The following URI1 variants were observed in gnomAD, a reference collection of about 807,000 sequenced individuals.
URI1 encodes the protein URI1 prefoldin like chaperone, also known as unconventional prefoldin RPB5 interactor 1.
In URI1, 39 loss-of-function variants were observed where a neutral mutation model predicts 60.2. The ratio of observed to expected loss-of-function variants is 0.65; its 90% confidence interval spans 0.50 to 0.85. The LOEUF (loss-of-function observed/expected upper bound fraction) is 0.85. Among genes scored for constraint, URI1 ranks in the 40% least tolerant of loss-of-function variants. The pLI is 0.00. For missense variants in URI1, 691 were observed against 665.9 expected, an observed-to-expected ratio of 1.04 and a Z score of -0.42; for synonymous variants, 251 against 236.8, an observed-to-expected ratio of 1.06 and a Z score of -0.55.
intron 1 of URI1, among the ~76,000 whole-genome samples, chr19:29,957,250 A>G (rs1005639182): frequency 7.5e-6 from 1 of 132,754 alleles, no homozygotes; most frequent in African/African-American, 2.7e-5. Flanking sequence ...TGTCAATCAA[A>G]TGAAGGTCTG....
intron 7 of URI1, 103 bp from the exon 8 acceptor site, chr19:30,008,902 T>G (rs2055978378): frequency 1.1e-6 from 1 of 910,454 alleles, no homozygotes; most frequent in Admixed American, 3.3e-5. Context: ...TAAAAATACT[T>G]TATTCAAGAT....
intron 1 of URI1, among the ~76,000 whole-genome samples, chr19:29,925,262 G>A (rs2145185160): frequency 6.6e-6 from 1 of 152,356 alleles, no homozygotes; most frequent in African/African-American, 2.4e-5. Context: ...TGTAAGTCCT[G>A]TTTTTGTTTT....
chr19:30,013,179 T>G (rs908244122), intron 10 of URI1, among the ~76,000 whole-genome samples: 1 of 152,192 alleles, frequency 6.6e-6, no homozygotes, highest in African/African-American at 2.4e-5. Context: ...CATTCTTGTG[T>G]TTTGGTGCGT....
intron 4 of URI1, among the ~76,000 whole-genome samples, chr19:30,001,524 T>C (rs2055878327): frequency 1.3e-5 from 2 of 151,936 alleles, no homozygotes; most frequent in South Asian, 2.1e-4. Flanking sequence ...CACTCTAAGC[T>C]GTGAATCTTT....
At chr19:30,007,721 A>G (rs955347832) in intron 7 of URI1, 83 bp downstream of exon 7, 14 of 1,259,048 alleles carry the variant, frequency 1.1e-5, no homozygotes, top group Non-Finnish European at 1.4e-5. Context: ...TTAATAAAAT[A>G]ATATGTGTTC....
At chr19:29,955,101 C>T (rs1392972796) in intron 1 of URI1, among the ~76,000 whole-genome samples, 1 of 151,076 alleles carries the variant, frequency 6.6e-6, no homozygotes, top group Non-Finnish European at 1.5e-5. Flanking sequence ...TCATGCTATT[C>T]TCCTGCCTCA....
intron 1 of URI1, among the ~76,000 whole-genome samples, chr19:29,948,262 T>C (rs1006266900): frequency 6.6e-6 from 1 of 152,206 alleles, no homozygotes; most frequent in Non-Finnish European, 1.5e-5. Context: ...TGCTGTTTCT[T>C]TCTTTTTCTT....
intron 2 of URI1, among the ~76,000 whole-genome samples, chr19:29,974,002 T>C (rs1265730206): frequency 6.6e-6 from 1 of 152,216 alleles, no homozygotes; most frequent in East Asian, 1.9e-4. Context: ...TTTGGTCCAC[T>C]AGTGGCTGAT....
intron 4 of URI1, among the ~76,000 whole-genome samples, chr19:30,003,389 G>A (rs1298585164): frequency 6.6e-6 from 1 of 151,942 alleles, no homozygotes. Flanking sequence ...TGACGGTGTT[G>A]GTGCTTATCA....
At chr19:29,939,706 T>C (rs1288479629), upstream of URI1, among the ~76,000 whole-genome samples, 1 of 152,232 alleles carries the variant, frequency 6.6e-6, no homozygotes, top group African/African-American at 2.4e-5. Context: ...TTATTTGAAC[T>C]GAGGCCTGAG....
At chr19:30,001,915 T>G (rs2055883361) in intron 4 of URI1, among the ~76,000 whole-genome samples, 1 of 152,078 alleles carries the variant, frequency 6.6e-6, no homozygotes, top group African/African-American at 2.4e-5. Flanking sequence ...ATGTGCTATT[T>G]TAAAGCAGAA....
At chr19:29,955,364 A>G (rs1308696210) in intron 1 of URI1, among the ~76,000 whole-genome samples, 1 of 152,070 alleles carries the variant, frequency 6.6e-6, no homozygotes, top group Non-Finnish European at 1.5e-5. Flanking sequence ...TAGTCTCTTG[A>G]TAGTATAGAT....
chr19:29,933,119 C>T lies in URI1; in HGVS notation c.63+9365C>T, dbSNP rs533964124. Among the ~76,000 whole-genome samples the T allele has an allele frequency of 2.6e-5, 4 of 152,294 alleles. No individual in the cohort carries two copies. The South Asian group carries it at 8.3e-4, about 32-fold the overall frequency. ...GCAGTGGTCTGCAGTTTTCTTTTCT[C>T]TCAGTGTCTTTGTCTTGCTGGCCTC... On this transcript the variant is annotated intron_variant, in intron 1 of 10. Transcript: ENST00000360605.
In URI1 at chr19:30,015,449, A is replaced by G; in HGVS notation, c.*380A>G. On this transcript the variant is annotated 3_prime_UTR_variant, in exon 11 of 11. Transcript: ENST00000392271. ...ATACCATATGGACCATTTTAAAGAA[A>G]ATTTTAAAATTTCAAATAGATTCAA... 6.6e-7 allele frequency: 1 copy of G among 1,510,516 alleles called. No homozygotes were observed. Among genetic ancestry groups the G allele is most frequent in the Non-Finnish European group, 8.8e-7 (1 of 1,138,360 alleles). 93.6% of individuals were successfully genotyped at this position (1,510,516 alleles called of 1,614,324 possible).
intron 4 of URI1, 73 bp downstream of exon 4, chr19:29,986,490 G>T: frequency 6.5e-7 from 1 of 1,529,180 alleles, no homozygotes; most frequent in African/African-American, 1.4e-5. Flanking sequence ...CTGAAGGGCT[G>T]TTTCTTACCA....
intron 1 of URI1, chr19:29,956,832 T>G: frequency 1.9e-6 from 3 of 1,585,422 alleles, no homozygotes. Context: ...CGGAGCCTCT[T>G]TTTTTTCTTT....
intron 1 of URI1, among the ~76,000 whole-genome samples, chr19:29,962,837 GTTA>G (rs751114024): frequency 3.3e-4 from 50 of 152,012 alleles, no homozygotes; most frequent in Non-Finnish European, 6.2e-4. Context: ...TGTTGAAAAT[GTTA>G]TTTTTTCCTT....
At chr19:29,944,140 C>CAT (rs56329506) in intron 1 of URI1, among the ~76,000 whole-genome samples, 493 of 36,720 alleles carry the variant, frequency 0.013, 19 homozygotes, top group Non-Finnish European at 0.02. Flanking sequence ...CCCTGTCATT[C>CAT]ATATATATAT....
intron 2 of URI1, among the ~76,000 whole-genome samples, chr19:29,978,361 C>T (rs2055551534): frequency 6.6e-6 from 1 of 152,136 alleles, no homozygotes; most frequent in Non-Finnish European, 1.5e-5. Context: ...TTCCCATGAC[C>T]AGCTCAAGTC....
Sources: allele counts gnomAD v4.1 joint callset (sites outside exome capture counted in the v4.1 genomes callset), GRCh38; gene constraint gnomAD v4.1.1; transcripts MANE v1.5; gene names NCBI Gene and HGNC (gene_info 2026-07-23, HGNC 2026-07-21).